CYP7B1: variants seen among roughly 807,000 people sequenced by gnomAD.
The protein encoded by CYP7B1 is cytochrome P450 7B1.
CYP7B1 carries 29 observed loss-of-function variants against 42.7 expected under a neutral mutation model. The observed-to-expected ratio is 0.68, with a 90% confidence interval of 0.51 to 0.93. The LOEUF is 0.93. CYP7B1 is among the 40% of genes least tolerant of loss of function. The probability of loss-of-function intolerance (pLI) is 0.00; values close to 1 mark genes in which losing one functional copy is unlikely to be tolerated. For synonymous variants in CYP7B1, 235 were observed against 218.2 expected, an observed-to-expected ratio of 1.08 and a Z score of -0.68; for missense variants, 655 against 600.5, an observed-to-expected ratio of 1.09 and a Z score of -0.95.
chr8:64,741,481 A>G (rs1381817318), intron 1 of CYP7B1, among the ~76,000 whole-genome samples: 1 of 152,070 alleles, frequency 6.6e-6, no homozygotes, highest in African/African-American at 2.4e-5. Flanking sequence ...CACCATGCCC[A>G]GCTAATTTTG....
At chr8:64,650,912 G>A in intron 1 of CYP7B1, among the ~76,000 whole-genome samples, 1 of 152,128 alleles carries the variant, frequency 6.6e-6, no homozygotes, top group East Asian at 1.9e-4. Context: ...GAATGCTGTG[G>A]GGTTGGGCTC....
At chr8:64,736,942 G>A (rs1230242194) in intron 1 of CYP7B1, among the ~76,000 whole-genome samples, 2 of 152,140 alleles carry the variant, frequency 1.3e-5, no homozygotes, top group Non-Finnish European at 2.9e-5. Context: ...ACAGAGGCAT[G>A]TCTATCTTTT....
chr8:64,667,837 T>C (rs779439149), intron 1 of CYP7B1, among the ~76,000 whole-genome samples: 7 of 152,230 alleles, frequency 4.6e-5, no homozygotes, highest in Non-Finnish European at 1.0e-4. Flanking sequence ...GGTTCTTCAT[T>C]AGCAGCTATA....
Position 64,595,170 on chromosome 8 carries a change from G to A in CYP7B1, c.*1472C>T, listed in dbSNP as rs1388916312. On this transcript the variant is annotated 3_prime_UTR_variant, in exon 6 of 6. Transcript: ENST00000310193. ...TCCAGCAAAACCATCTTTCAAGAAG[G>A]AGAGTAAAAATAAAGACACCCTAAA... Among the ~76,000 whole-genome samples the A allele has an allele frequency of 6.6e-6, 1 of 151,920 alleles. No individual in the cohort carries two copies. Among genetic ancestry groups the A allele is most frequent in the East Asian group, 1.9e-4 (1 of 5,198 alleles).
chr8:64,614,871 G>A lies in CYP7B1; in HGVS notation c.1057+155C>T, dbSNP rs183699664. ...GTTTACATGCAATGAGAGTATCTAC[G>A]GCTATAAACTACATAATTTATAATT... On this transcript the variant is annotated intron_variant, in intron 4 of 5. Coordinates refer to ENST00000310193, the MANE Select transcript of CYP7B1 (RefSeq NM_004820.5). 5.3e-5 allele frequency among the ~76,000 whole-genome samples: 8 copies of A among 152,114 alleles called. No individual in the cohort carries two copies. In the East Asian group the frequency reaches 1.4e-3, roughly 26 times the overall value.
chr8:64,747,392 A>G (rs568747404), intron 1 of CYP7B1, among the ~76,000 whole-genome samples: 2 of 151,038 alleles, frequency 1.3e-5, no homozygotes, highest in African/African-American at 4.8e-5. Context: ...TCAGAAATTC[A>G]CATACAACTT....
intron 1 of CYP7B1, among the ~76,000 whole-genome samples, chr8:64,755,948 G>A (rs1807801188): frequency 1.3e-5 from 2 of 152,124 alleles, no homozygotes; most frequent in African/African-American, 4.8e-5. Context: ...TTCCTAGCTA[G>A]TACACCATAG....
At chr8:64,777,377 A>C (rs1283892758) in intron 1 of CYP7B1, among the ~76,000 whole-genome samples, 1 of 152,090 alleles carries the variant, frequency 6.6e-6, no homozygotes, top group Non-Finnish European at 1.5e-5. Flanking sequence ...AATATGCTCA[A>C]GCCTCAGCTA....
At chr8:64,775,923 G>C (rs1217777625) in intron 1 of CYP7B1, among the ~76,000 whole-genome samples, 1 of 152,150 alleles carries the variant, frequency 6.6e-6, no homozygotes, top group Non-Finnish European at 1.5e-5. Context: ...ATCTGGTTCA[G>C]CTTCTTCATT....
At chr8:64,777,275 A>G (rs1046654088) in intron 1 of CYP7B1, among the ~76,000 whole-genome samples, 1 of 152,026 alleles carries the variant, frequency 6.6e-6, no homozygotes, top group African/African-American at 2.4e-5. Flanking sequence ...TTTGGCATAT[A>G]ACATGAGCAC....
At chr8:64,767,911 C>G (rs558389846) in intron 1 of CYP7B1, among the ~76,000 whole-genome samples, 1 of 152,152 alleles carries the variant, frequency 6.6e-6, no homozygotes, top group African/African-American at 2.4e-5. Flanking sequence ...TTGAAGGCAT[C>G]CCTCCCGAGG....
intron 1 of CYP7B1, among the ~76,000 whole-genome samples, chr8:64,781,151 C>T (rs1397283874): frequency 6.6e-6 from 1 of 152,074 alleles, no homozygotes; most frequent in Non-Finnish European, 1.5e-5. Flanking sequence ...GGCAAAGGCA[C>T]TGAGTATTTA....
intron 5 of CYP7B1, among the ~76,000 whole-genome samples, chr8:64,599,916 G>A (rs1191003320): frequency 6.6e-6 from 1 of 152,174 alleles, no homozygotes; most frequent in African/African-American, 2.4e-5. Flanking sequence ...TACAGGAGAT[G>A]GCAGTGCCAA....
chr8:64,725,284 T>C (rs1296544803), intron 1 of CYP7B1, among the ~76,000 whole-genome samples: 14 of 152,228 alleles, frequency 9.2e-5, no homozygotes, highest in Non-Finnish European at 1.8e-4. Context: ...TAAGCTGTGT[T>C]TTGTTATCAA....
chr8:64,619,667 T>C (rs1210973490), intron 2 of CYP7B1, among the ~76,000 whole-genome samples: 1 of 152,176 alleles, frequency 6.6e-6, no homozygotes, highest in Non-Finnish European at 1.5e-5. Flanking sequence ...ATAAGCTGCA[T>C]AAGAGACTTT....
rs1805112889 is a variant in CYP7B1, at chr8:64,596,062, T to C, written c.*580A>G. ...CAAAGTAATAAGGAACATTTATGCA[T>C]GATTAAATATTGAAGTGAAGTTGAA... On this transcript the variant is annotated 3_prime_UTR_variant, in exon 6 of 6. Coordinates refer to ENST00000310193, the MANE Select transcript of CYP7B1 (RefSeq NM_004820.5). 6.2e-6 allele frequency: 1 copy of C among 161,536 alleles called. No homozygotes were observed. The allele number at this position is 161,536 out of a possible 1,614,324, so 10.0% of individuals were successfully genotyped here. A position where few individuals can be genotyped will look rare whatever the true frequency, so the allele number is the denominator to read the frequency against.
At chr8:64,588,668 T>C (rs891198254), downstream of CYP7B1, among the ~76,000 whole-genome samples, 1 of 152,226 alleles carries the variant, frequency 6.6e-6, no homozygotes, top group African/African-American at 2.4e-5. Flanking sequence ...TGAGAGAGAC[T>C]CAGTTTTTGT....
chr8:64,665,833 C>A (rs1056694995), intron 1 of CYP7B1, among the ~76,000 whole-genome samples: 18 of 151,958 alleles, frequency 1.2e-4, no homozygotes, highest in African/African-American at 3.9e-4. Flanking sequence ...GCCTTGGCCT[C>A]CAAAAGTGTC....
intron 4 of CYP7B1, among the ~76,000 whole-genome samples, chr8:64,611,786 T>C (rs555119573): frequency 6.6e-6 from 1 of 152,238 alleles, no homozygotes; most frequent in East Asian, 1.9e-4. Context: ...ACCTTGACTT[T>C]CCAGAGTATG....
Sources: gnomAD v4.1 joint callset for allele counts (sites outside exome capture counted in the v4.1 genomes callset) on GRCh38, gnomAD v4.1.1 for gene constraint, MANE v1.5 for transcripts, NCBI Gene and HGNC (gene_info 2026-07-23, HGNC 2026-07-21) for gene names.